Variants in SPAG1 observed in about 807,000 individuals in gnomAD.
SPAG1 encodes the protein sperm-associated antigen 1.
Under a neutral mutation model 100.5 loss-of-function variants are expected in SPAG1, and 69 were observed. That is an observed-to-expected ratio of 0.69 (90% confidence interval 0.57 to 0.84). The LOEUF (loss-of-function observed/expected upper bound fraction) is 0.84. SPAG1 is among the 40% of genes least tolerant of loss of function. SPAG1 has a pLI of 0.00. For missense variants in SPAG1, 955 were observed against 1,133.1 expected (o/e 0.84, Z 2.26); for synonymous variants, 336 against 411.6 (o/e 0.82, Z 2.22).
chr8:100,187,282 A>T, intron 8 of SPAG1, 32 bp downstream of exon 8: 1 of 1,553,598 alleles, frequency 6.4e-7, no homozygotes. Context: ...TTTTACATTT[A>T]CAGCAGGATC....
At chr8:100,184,866 T>C in intron 7 of SPAG1, 133 bp downstream of exon 7, 1 of 593,898 alleles carries the variant, frequency 1.7e-6, no homozygotes, top group Non-Finnish European at 2.9e-6. Context: ...TTATCATATA[T>C]TCACTTGTGT....
intron 14 of SPAG1, 32 bp from the exon 15 acceptor site, chr8:100,231,124 T>C (rs1426757768): frequency 6.3e-7 from 1 of 1,581,894 alleles, no homozygotes; most frequent in South Asian, 1.2e-5. Flanking sequence ...CTTGTACAGA[T>C]ACTTCCTCTT....
chr8:100,227,572 AT>A (rs1312537241), intron 14 of SPAG1, among the ~76,000 whole-genome samples: 2 of 152,216 alleles, frequency 1.3e-5, no homozygotes, highest in Non-Finnish European at 2.9e-5. Flanking sequence ...GACACAAAGC[AT>A]TTGTTCAGTA....
At chr8:100,232,570 G>A (rs1818825453) in intron 15 of SPAG1, among the ~76,000 whole-genome samples, 3 of 152,102 alleles carry the variant, frequency 2.0e-5, no homozygotes. Context: ...CATCTTCAGT[G>A]TGACCCTTTC....
At chr8:100,188,451 G>T (rs1264996077) in intron 8 of SPAG1, among the ~76,000 whole-genome samples, 1 of 152,002 alleles carries the variant, frequency 6.6e-6, no homozygotes, top group Non-Finnish European at 1.5e-5. Context: ...CACCAAGCCT[G>T]GCCTGCTATA....
intron 8 of SPAG1, 36 bp from the exon 9 acceptor site, chr8:100,191,354 T>C (rs1204459052): frequency 7.0e-7 from 1 of 1,425,550 alleles, no homozygotes; most frequent in Non-Finnish European, 9.9e-7. Flanking sequence ...ATGCCACATA[T>C]TAAAAAACAT....
At chr8:100,165,261 C>G (rs1433084328) in intron 2 of SPAG1, 1 of 523,788 alleles carries the variant, frequency 1.9e-6, no homozygotes, top group Non-Finnish European at 3.9e-6. Context: ...ATTCGCAGTT[C>G]TGAACCATGT....
chr8:100,229,539 C>G (rs1818672336), intron 14 of SPAG1, among the ~76,000 whole-genome samples: 1 of 152,214 alleles, frequency 6.6e-6, no homozygotes, highest in Admixed American at 6.5e-5. Context: ...ATGTGCCCAT[C>G]CCTGAGCCAG....
chr8:100,183,392 A>G lies in SPAG1; in HGVS notation c.444A>G (p.Arg148=). ...LHVGKEKYSK[R]PTKKKTPRDY... is the part of the protein sequence containing the mutation. ...TCTTTTAGGAAAAATATTCTAAAAG[A>G]CCAACTAAAAAGAAAACTCCAAGGG... The change falls in exon 5 of 19, where the codon AGA becomes AGG. Residue 148 remains arginine, a synonymous_variant. Coordinates refer to ENST00000388798, the MANE Select transcript of SPAG1 (RefSeq NM_003114.5). The G allele has an allele frequency of 7.0e-7, 1 of 1,429,974 alleles. No individual in the cohort carries two copies. The highest frequency in any genetic ancestry group is 9.8e-7 in the Non-Finnish European group (1 of 1,023,124). 88.6% of individuals were successfully genotyped at this position (1,429,974 alleles called of 1,614,324 possible).
chr8:100,226,248 C>T (rs1459435659), intron 14 of SPAG1, among the ~76,000 whole-genome samples: 1 of 152,034 alleles, frequency 6.6e-6, no homozygotes, highest in Non-Finnish European at 1.5e-5. Flanking sequence ...TCTCCTGGCT[C>T]AGCCTCCCAA....
At chr8:100,190,163 A>G (rs757615150) in intron 8 of SPAG1, among the ~76,000 whole-genome samples, 1 of 152,066 alleles carries the variant, frequency 6.6e-6, no homozygotes, top group African/African-American at 2.4e-5. Flanking sequence ...ACCAAAAAAA[A>G]TTAGCTGGAT....
chr8:100,238,503 A>G (rs1326697077), intron 16 of SPAG1, among the ~76,000 whole-genome samples: 1 of 152,228 alleles, frequency 6.6e-6, no homozygotes, highest in Admixed American at 6.5e-5. Context: ...GGTTTATTCA[A>G]AACATGGGTC....
rs750321216 is a variant in SPAG1, at chr8:100,191,435, G to A, written c.878G>A (p.Arg293Gln). The change falls in exon 9 of 19, where the codon CGG (arginine) becomes CAG (glutamine). Residue 293 changes from arginine to glutamine, a missense_variant. Arg to Gln is a conservative substitution (Grantham distance 43). Coordinates refer to ENST00000388798, the MANE Select transcript of SPAG1 (RefSeq NM_003114.5). The part of the protein sequence containing the change: ...ATTYKHQNKL[R>Q]EATEDLSKVL... ...ACATATAAACATCAAAACAAGCTCC[G>A]GGAAGCTACAGAAGATTTGAGTAAA... The A allele has an allele frequency of 2.1e-5, 34 of 1,613,802 alleles. No individual in the cohort carries two copies. The East Asian group carries it at 2.5e-4, about 12-fold the overall frequency.
At chr8:100,213,013 C>CCAGCGGCCT in intron 10 of SPAG1, 77 bp from the exon 11 acceptor site, 1 of 1,056,042 alleles carries the variant, frequency 9.5e-7, no homozygotes. Flanking sequence ...GTCCTGCACC[C>CCAGCGGCCT]CCGCGGCCTC....
chr8:100,196,254 G>T (rs1289284268), intron 10 of SPAG1, among the ~76,000 whole-genome samples: 1 of 152,104 alleles, frequency 6.6e-6, no homozygotes, highest in Admixed American at 6.5e-5. Flanking sequence ...GGGACTGCTG[G>T]GTCATACGGC....
intron 10 of SPAG1, among the ~76,000 whole-genome samples, chr8:100,202,587 G>A (rs1817327824): frequency 6.6e-6 from 1 of 150,434 alleles, no homozygotes; most frequent in Non-Finnish European, 1.5e-5. Context: ...GCGGGCGCCT[G>A]TAGTCCCAGC....
chr8:100,182,814 T>G (rs1478785956), intron 4 of SPAG1, among the ~76,000 whole-genome samples: 3 of 152,134 alleles, frequency 2.0e-5, no homozygotes, highest in Admixed American at 2.0e-4. Context: ...AAATTTTATA[T>G]GTATATACTT....
intron 10 of SPAG1, among the ~76,000 whole-genome samples, chr8:100,208,955 A>G (rs1452258364): frequency 6.6e-6 from 1 of 152,162 alleles, no homozygotes; most frequent in African/African-American, 2.4e-5. Flanking sequence ...GGATTGAAGG[A>G]TACAAAGTAT....
chr8:100,177,566 C>T (rs1816183079), intron 3 of SPAG1, among the ~76,000 whole-genome samples: 1 of 151,982 alleles, frequency 6.6e-6, no homozygotes, highest in African/African-American at 2.4e-5. Context: ...CTAGTATCTA[C>T]ATATATTTTA....
Sources: gnomAD v4.1 joint callset for allele counts (sites outside exome capture counted in the v4.1 genomes callset) on GRCh38, gnomAD v4.1.1 for gene constraint, MANE v1.5 for transcripts, NCBI Gene and HGNC (gene_info 2026-07-23, HGNC 2026-07-21) for gene names.